RPS6KA6: variants seen among roughly 807,000 people sequenced by gnomAD.
RPS6KA6 encodes the protein ribosomal protein S6 kinase alpha-6.
A neutral mutation model predicts 65.4 loss-of-function variants in RPS6KA6; 27 were observed. The ratio of observed to expected loss-of-function variants is 0.41; its 90% CI spans 0.30 to 0.57. RPS6KA6 has a LOEUF of 0.57. RPS6KA6 is among the 20% of genes least tolerant of loss of function. The pLI is 0.24. For missense variants in RPS6KA6, 486 were observed against 555.6 expected (o/e 0.87, Z 1.26); for synonymous variants, 190 against 184.2 (o/e 1.03, Z -0.26).
At chrX:84,158,135 T>C (rs1448314382) in intron 2 of RPS6KA6, among the ~76,000 whole-genome samples, 1 of 110,540 alleles carries the variant, frequency 9.0e-6, no homozygotes, top group Non-Finnish European at 1.9e-5. Flanking sequence ...CAATACTTTT[T>C]TGATCTCATG....
chrX:84,105,544 A>G (rs1205285732), intron 16 of RPS6KA6, among the ~76,000 whole-genome samples: 1 of 111,114 alleles, frequency 9.0e-6, no homozygotes, highest in Non-Finnish European at 1.9e-5. Context: ...AACCAGCCAG[A>G]ATATATTCAT....
intron 8 of RPS6KA6, among the ~76,000 whole-genome samples, chrX:84,122,518 G>A (rs2034697319): frequency 9.2e-6 from 1 of 108,635 alleles, no homozygotes; most frequent in South Asian, 4.1e-4. Flanking sequence ...GCTTTTAGTA[G>A]AGGCAGGGTT....
intron 12 of RPS6KA6, among the ~76,000 whole-genome samples, chrX:84,115,714 T>C (rs753323338): frequency 1.8e-5 from 2 of 111,990 alleles, no homozygotes; most frequent in Admixed American, 9.5e-5. Flanking sequence ...TAAGTGTCCA[T>C]CAATGGTTAA....
intron 1 of RPS6KA6, among the ~76,000 whole-genome samples, chrX:84,171,813 G>A (rs2035688061): frequency 1.8e-5 from 2 of 110,741 alleles, no homozygotes; most frequent in Admixed American, 1.9e-4. Context: ...GTATTTGTCC[G>A]AATACTCTCC....
chrX:84,168,643 G>GA (rs1188274108), intron 1 of RPS6KA6, among the ~76,000 whole-genome samples: 1 of 111,578 alleles, frequency 9.0e-6, no homozygotes, highest in Non-Finnish European at 1.9e-5. Flanking sequence ...ATTATCCATA[G>GA]AAAAAAGGAT....
intron 2 of RPS6KA6, 92 bp downstream of exon 2, chrX:84,164,236 A>G (rs2035562815): frequency 3.0e-6 from 2 of 660,847 alleles, no homozygotes; most frequent in Admixed American, 2.8e-5. Flanking sequence ...TTACCTGAAT[A>G]TATTTGTTTG....
At chrX:84,150,627 A>C (rs1343099759) in intron 3 of RPS6KA6, among the ~76,000 whole-genome samples, 1 of 109,081 alleles carries the variant, frequency 9.2e-6, no homozygotes, top group Non-Finnish European at 1.9e-5. Context: ...ACCAGTTATC[A>C]ATGAAGCTCA....
chrX:84,113,331 G>A (rs917894842), intron 12 of RPS6KA6, among the ~76,000 whole-genome samples: 1 of 111,654 alleles, frequency 9.0e-6, no homozygotes, highest in African/African-American at 3.3e-5. Context: ...GTATCATCCT[G>A]AGAGCAAAAT....
Position 84,187,981 on chromosome X carries a change from G to A in RPS6KA6, c.-82C>T. The A allele has an allele frequency of 6.5e-6, 3 of 458,472 alleles. No individual in the cohort carries two copies. Among genetic ancestry groups the A allele is most frequent in the African/African-American group, 3.5e-5 (1 of 28,410 alleles). The allele number at this position is 458,472 out of a possible 1,213,427, so 37.8% of individuals were successfully genotyped here. The stretch of plus-strand genomic sequence containing the variant: ...ATCCTGTCTATTGAACTGGCCCGCC[G>A]CCGCCGCCGCCGCCGCCGCCGCCGC... On this transcript the variant is annotated 5_prime_UTR_variant, in exon 1 of 22. Transcript: ENST00000262752.
chrX:84,084,183 C>A (rs1254909548), intron 20 of RPS6KA6, among the ~76,000 whole-genome samples: 1 of 112,179 alleles, frequency 8.9e-6, no homozygotes, highest in Non-Finnish European at 1.9e-5. Context: ...ATGATAGTTT[C>A]TTTTGCTGTG....
chrX:84,146,175 A>G (rs1215723756), intron 5 of RPS6KA6, among the ~76,000 whole-genome samples: 4 of 111,622 alleles, frequency 3.6e-5, no homozygotes, highest in African/African-American at 1.3e-4. Context: ...TGATGGACCT[A>G]CTACAGACAC....
intron 8 of RPS6KA6, among the ~76,000 whole-genome samples, chrX:84,126,432 G>A (rs180719392): frequency 3.6e-5 from 4 of 111,412 alleles, no homozygotes; most frequent in African/African-American, 1.3e-4. Context: ...GCATTGGACA[G>A]ATCTCCCAGA....
intron 20 of RPS6KA6, among the ~76,000 whole-genome samples, chrX:84,092,165 C>T (rs1486246702): frequency 9.0e-6 from 1 of 110,917 alleles, no homozygotes; most frequent in Non-Finnish European, 1.9e-5. Flanking sequence ...AACAAATCTG[C>T]ACATCCTGCA....
At chrX:84,147,471 T>A (rs2035219888) in intron 4 of RPS6KA6, among the ~76,000 whole-genome samples, 1 of 110,959 alleles carries the variant, frequency 9.0e-6, no homozygotes, top group Admixed American at 9.6e-5. Flanking sequence ...TACACCTGGC[T>A]CATTTTTGTA....
intron 2 of RPS6KA6, among the ~76,000 whole-genome samples, chrX:84,161,240 G>A (rs2035506735): frequency 9.0e-6 from 1 of 111,256 alleles, no homozygotes; most frequent in African/African-American, 3.3e-5. Flanking sequence ...CCTATTGTAA[G>A]TTGAGGAACA....
intron 20 of RPS6KA6, among the ~76,000 whole-genome samples, chrX:84,072,209 T>C (rs910951943): frequency 1.8e-5 from 2 of 111,651 alleles, no homozygotes; most frequent in African/African-American, 6.5e-5. Flanking sequence ...TCATTTAACA[T>C]AATCAAGTAT....
intron 1 of RPS6KA6, among the ~76,000 whole-genome samples, chrX:84,180,681 G>C (rs2035838291): frequency 8.9e-6 from 1 of 111,846 alleles, no homozygotes; most frequent in Admixed American, 9.5e-5. Context: ...CAAAAAAACA[G>C]ACTTGCTGGG....
chrX:84,169,707 C>T (rs1448387205), intron 1 of RPS6KA6, among the ~76,000 whole-genome samples: 1 of 111,071 alleles, frequency 9.0e-6, no homozygotes, highest in African/African-American at 3.3e-5. Context: ...TACACATTTC[C>T]GAAGAAGACA....
intron 13 of RPS6KA6, 58 bp downstream of exon 13, chrX:84,107,565 T>G (rs900900285): frequency 1.3e-6 from 1 of 747,621 alleles, no homozygotes; most frequent in Middle Eastern, 3.6e-4. Context: ...CAAGAAAGTT[T>G]ATTTTTAAAC....
Sources: gnomAD v4.1 joint callset for allele counts (sites outside exome capture counted in the v4.1 genomes callset) on GRCh38, gnomAD v4.1.1 for gene constraint, MANE v1.5 for transcripts, NCBI Gene and HGNC (gene_info 2026-07-23, HGNC 2026-07-21) for gene names.